Variants in KCNN2 observed in about 807,000 individuals in gnomAD.
KCNN2 encodes potassium calcium-activated channel subfamily N member 2, also known as small conductance calcium-activated potassium channel protein 2.
KCNN2 carries 24 observed loss-of-function variants against 55.5 expected under a neutral mutation model. The observed-to-expected ratio is 0.43, with a 90% confidence interval of 0.31 to 0.61. The LOEUF (loss-of-function observed/expected upper bound fraction) is 0.61. KCNN2 is among the 20% of genes least tolerant of loss of function. The pLI, the probability that KCNN2 is intolerant of heterozygous loss-of-function variation, is 0.08. For synonymous variants in KCNN2, 431 were observed against 336.1 expected, an observed-to-expected ratio of 1.28 and a Z score of -3.09; for missense variants, 754 against 853.6, an observed-to-expected ratio of 0.88 and a Z score of 1.45.
chr5:114,357,869 C>T (rs1220658317), upstream of KCNN2, among the ~76,000 whole-genome samples: 3 of 151,778 alleles, frequency 2.0e-5, no homozygotes, highest in African/African-American at 2.4e-5. Context: ...CCTGAGGAAT[C>T]GCCACACTGA....
At chr5:114,392,533 G>A (rs546911588) in intron 2 of KCNN2, among the ~76,000 whole-genome samples, 4 of 152,292 alleles carry the variant, frequency 2.6e-5, no homozygotes, top group East Asian at 1.9e-4. Context: ...GGAATGACAA[G>A]CATCAGCTTT....
intron 2 of KCNN2, among the ~76,000 whole-genome samples, chr5:114,353,839 A>G (rs948254797): frequency 2.0e-5 from 3 of 151,810 alleles, no homozygotes; most frequent in Non-Finnish European, 4.4e-5. Flanking sequence ...TGTACTTGGC[A>G]TGTTATTTTT....
chr5:114,365,923 TG>T (rs2150047735), intron 2 of KCNN2, among the ~76,000 whole-genome samples: 1 of 151,306 alleles, frequency 6.6e-6, no homozygotes, highest in South Asian at 2.2e-4. Context: ...GAAACATTCA[TG>T]GGGGAGGACA....
chr5:114,105,791 C>G (rs2112575608), intron 1 of KCNN2, among the ~76,000 whole-genome samples: 1 of 152,074 alleles, frequency 6.6e-6, no homozygotes, highest in South Asian at 2.1e-4. Flanking sequence ...GGTAAGTCCT[C>G]AGTCTTCAGC....
chr5:114,441,993 C>A (rs1229190242), intron 3 of KCNN2, among the ~76,000 whole-genome samples: 1 of 152,198 alleles, frequency 6.6e-6, no homozygotes, highest in African/African-American at 2.4e-5. Context: ...GGATAGCTTT[C>A]TGCCTTTCAT....
chr5:114,320,064 A>G (rs41236), intron 2 of KCNN2, among the ~76,000 whole-genome samples: 79,295 of 152,072 alleles, frequency 0.52, 22,426 homozygotes, highest in East Asian at 0.9. Flanking sequence ...TAAAATGGAA[A>G]TTTTAACACA....
intron 2 of KCNN2, among the ~76,000 whole-genome samples, chr5:114,389,409 T>C (rs1158439264): frequency 6.6e-6 from 1 of 152,182 alleles, no homozygotes; most frequent in Non-Finnish European, 1.5e-5. Context: ...CTTGGGTTCA[T>C]ATGCTAGCCC....
At chr5:114,495,817 A>C in intron 7 of KCNN2, 78 bp from the exon 8 acceptor site, 1 of 1,378,196 alleles carries the variant, frequency 7.3e-7, no homozygotes, top group Non-Finnish European at 1.0e-6. Context: ...GCAAGAGACC[A>C]GAGCTAAACC....
intron 1 of KCNN2, among the ~76,000 whole-genome samples, chr5:114,083,288 T>A (rs756261151): frequency 6.6e-6 from 1 of 152,192 alleles, no homozygotes; most frequent in African/African-American, 2.4e-5. Flanking sequence ...CCTTTCTACT[T>A]AATTCATGTT....
chr5:114,485,269 G>T (rs978042821), intron 5 of KCNN2, among the ~76,000 whole-genome samples: 1 of 152,030 alleles, frequency 6.6e-6, no homozygotes, highest in Non-Finnish European at 1.5e-5. Flanking sequence ...CCTTCGACTG[G>T]TAAAATCAGA....
intron 2 of KCNN2, among the ~76,000 whole-genome samples, chr5:114,273,115 G>C (rs1755400624): frequency 6.6e-6 from 1 of 152,156 alleles, no homozygotes; most frequent in South Asian, 2.1e-4. Flanking sequence ...TTATGAGTGA[G>C]AACACATGGT....
chr5:114,468,555 C>T (rs932447097), intron 4 of KCNN2, among the ~76,000 whole-genome samples: 1 of 151,874 alleles, frequency 6.6e-6, no homozygotes, highest in South Asian at 2.1e-4. Context: ...TCTATTTAGT[C>T]TAATAAACTG....
rs1561549059 is a variant in KCNN2, at chr5:114,272,370, C to CAT, written c.-185+50808_-185+50809dup. Among the ~76,000 whole-genome samples the CAT allele has an allele frequency of 7.0e-3, 971 of 138,864 alleles. 18 individuals are homozygous for CAT. The highest frequency in any genetic ancestry group is 0.011 in the Non-Finnish European group (753 of 66,132). 91.1% of individuals were successfully genotyped at this position (138,864 alleles called of 152,430 possible). ...TGTATGTACATACCATATACACACACATATGTATGTACATATATACACACA... is the reference window on the plus strand; with the variant it reads ...TGTATGTACATACCATATACACACACATATATGTATGTACATATATACACACA... On this transcript the variant is annotated intron_variant, in intron 2 of 10. Transcript: ENST00000512097.
chr5:114,064,483 TGAG>T, intron 1 of KCNN2, among the ~76,000 whole-genome samples: 1 of 152,330 alleles, frequency 6.6e-6, no homozygotes. Flanking sequence ...AGCCACCATG[TGAG>T]ACAGCATTGA....
chr5:114,114,499 A>T (rs778071217), intron 1 of KCNN2, among the ~76,000 whole-genome samples: 1 of 152,112 alleles, frequency 6.6e-6, no homozygotes, highest in Non-Finnish European at 1.5e-5. Flanking sequence ...TTAGCTTCCC[A>T]AAGTGCTGGA....
intron 3 of KCNN2, among the ~76,000 whole-genome samples, chr5:114,448,444 A>C (rs755539052): frequency 6.6e-6 from 1 of 152,204 alleles, no homozygotes; most frequent in Non-Finnish European, 1.5e-5. Flanking sequence ...ACATTTTGGC[A>C]TTGAAGTCTA....
In KCNN2 at chr5:114,404,815, A is replaced by G. The variant is rs748920285; in HGVS notation, c.1596A>G (p.Ser532=). The G allele has an allele frequency of 3.1e-6, 5 of 1,611,734 alleles. No individual in the cohort carries two copies. The Admixed American group carries it at 6.7e-5, about 21-fold the overall frequency. Residue 532 remains serine (S), a synonymous_variant, in exon 3 of 8, where the codon TCA becomes TCG. Transcript: ENST00000673685. ...PGTVLLVFSI[S]LWIIAAWTVR... The stretch of plus-strand genomic sequence containing the variant: ...CTGTACTCTTGGTTTTTAGTATCTC[A>G]TTATGGATAATTGCCGCATGGACTG...
chr5:114,207,897 AT>A (rs2112578870), intron 1 of KCNN2, among the ~76,000 whole-genome samples: 1 of 152,354 alleles, frequency 6.6e-6, no homozygotes, highest in South Asian at 2.1e-4. Flanking sequence ...AATACAGTCA[AT>A]AAAGTAAAAG....
chr5:114,156,127 T>C (rs559293501), intron 1 of KCNN2, among the ~76,000 whole-genome samples: 1 of 152,318 alleles, frequency 6.6e-6, no homozygotes, highest in South Asian at 2.1e-4. Flanking sequence ...TAGCACCATT[T>C]ATTGAATAGG....
Sources: allele counts gnomAD v4.1 joint callset (sites outside exome capture counted in the v4.1 genomes callset), GRCh38; gene constraint gnomAD v4.1.1; transcripts MANE v1.5; gene names NCBI Gene and HGNC (gene_info 2026-07-23, HGNC 2026-07-21).